Variants in DRAM1 observed in about 807,000 individuals in gnomAD.
DRAM1 encodes the protein DNA damage-regulated autophagy modulator protein 1.
A neutral mutation model predicts 28.5 loss-of-function variants in DRAM1; 25 were observed. That is an observed-to-expected ratio of 0.88 (90% CI 0.64 to 1.23). DRAM1 has a LOEUF of 1.23. DRAM1 is among the 50% of genes most tolerant of loss of function. The probability of loss-of-function intolerance (pLI) is 0.00; values close to 1 mark genes in which losing one functional copy is unlikely to be tolerated. For synonymous variants in DRAM1, 113 were observed against 114.2 expected (o/e 0.99, Z 0.07); for missense variants, 249 against 299.2 (o/e 0.83, Z 1.24).
chr12:101,880,862 C>A (rs765144815), intron 1 of DRAM1, among the ~76,000 whole-genome samples: 3 of 152,126 alleles, frequency 2.0e-5, no homozygotes, highest in African/African-American at 7.2e-5. Context: ...AACAAGGAAG[C>A]CTTCAGGAAA....
At chr12:101,899,888 T>C (rs1363434240) in intron 2 of DRAM1, among the ~76,000 whole-genome samples, 3 of 152,232 alleles carry the variant, frequency 2.0e-5, no homozygotes, top group African/African-American at 7.2e-5. Flanking sequence ...CTATTTCTGG[T>C]ATTTTGTAAT....
Position 101,877,662 on chromosome 12 carries a change from C to A in DRAM1, c.-128C>A. The A allele has an allele frequency of 1.6e-6, 1 of 620,994 alleles. No individual in the cohort carries two copies. Among genetic ancestry groups the A allele is most frequent in the Non-Finnish European group, 2.3e-6 (1 of 442,396 alleles). The allele number at this position is 620,994 out of a possible 1,614,324, so 38.5% of individuals were successfully genotyped here. A position where few individuals can be genotyped will look rare whatever the true frequency, so the allele number is the denominator to read the frequency against. ...CCCTCCGGGGCTGGGCCTGCCCCGG[C>A]CGTCGCGGAGCCTCCCCTCCCACCG... On this transcript the variant is annotated 5_prime_UTR_variant, in exon 1 of 7. Transcript: ENST00000258534. The surrounding 1 kb of genome is among the most constrained non-coding windows in gnomAD (Gnocchi z 4.1).
chr12:101,902,540 G>A (rs1435944631), intron 3 of DRAM1, among the ~76,000 whole-genome samples: 1 of 152,208 alleles, frequency 6.6e-6, no homozygotes, highest in African/African-American at 2.4e-5. Flanking sequence ...CTAGTACAGT[G>A]TGGTTATGGT....
In DRAM1 at chr12:101,877,794, T is replaced by C; in HGVS notation, c.5T>C (p.Leu2Pro). 6.6e-7 allele frequency: 1 copy of C among 1,519,914 alleles called. No homozygotes were observed. Among genetic ancestry groups the C allele is most frequent in the Non-Finnish European group, 8.8e-7 (1 of 1,131,442 alleles). The allele number at this position is 1,519,914 out of a possible 1,614,324, so 94.2% of individuals were successfully genotyped here. A position where few individuals can be genotyped will look rare whatever the true frequency, so the allele number is the denominator to read the frequency against. The change falls in exon 1 of 7, where the codon CTG becomes CCG. Residue 2 changes from leucine (L) to proline (P), a missense_variant. Transcript: ENST00000258534. The surrounding 1 kb of genome is among the most constrained non-coding windows in gnomAD (Gnocchi z 4.1). ...GTCGGCGGCGGCGGCGGCGCGATGC[T>C]GTGCTTCCTGAGGGGAATGGCTTTC... Reference protein sequence around the residue: MLCFLRGMAFVP... With the variant: MPCFLRGMAFVP...
At chr12:101,878,299 A>C (rs1029264273) in intron 1 of DRAM1, among the ~76,000 whole-genome samples, 2 of 152,202 alleles carry the variant, frequency 1.3e-5, no homozygotes, top group Non-Finnish European at 2.9e-5. Flanking sequence ...CTAAACAGCC[A>C]CTATTTTCAC....
In DRAM1 at chr12:101,923,077, G is replaced by A. The variant is rs1288568396; in HGVS notation, c.*1817G>A. The stretch of plus-strand genomic sequence containing the variant: ...AATGCACTCCAGTCTGGGCAACAGA[G>A]TGAGACCCTGTCTCAAAAATAAATA... On this transcript the variant is annotated 3_prime_UTR_variant, in exon 7 of 7. Transcript: ENST00000258534. 6.6e-6 allele frequency: 1 copy of A among 151,940 alleles called. No homozygotes were observed. Among genetic ancestry groups the A allele is most frequent in the Non-Finnish European group, 1.5e-5 (1 of 68,068 alleles). 9.4% of individuals were successfully genotyped at this position (151,940 alleles called of 1,614,324 possible).
In DRAM1 at chr12:101,917,538, A is replaced by T. The variant is rs80223515; in HGVS notation, c.580-2571A>T. Among the ~76,000 whole-genome samples, 469 of 142,206 alleles carry T rather than the reference A, an allele frequency of 3.3e-3. 1 individual carries two copies. The highest frequency in any genetic ancestry group is 0.011 in the Middle Eastern group (3 of 284). The allele number at this position is 142,206 out of a possible 152,430, so 93.3% of individuals were successfully genotyped here. On this transcript the variant is annotated intron_variant, in intron 5 of 6. Transcript: ENST00000258534. ...CCTGTCTGTACTAAAAAAAAAAAAAATTTTTGGTGTAGTGGCACACACCTG... is the reference window on the plus strand; with the variant it reads ...CCTGTCTGTACTAAAAAAAAAAAAATTTTTTGGTGTAGTGGCACACACCTG...
chr12:101,920,298 T>TA, intron 6 of DRAM1, 97 bp downstream of exon 6: 2 of 73,758 alleles, frequency 2.7e-5, no homozygotes, highest in East Asian at 6.2e-4. Context: ...GAGCACTTTC[T>TA]TTTTTTTTTT....
At position 101,921,321 on chromosome 12, in the gene DRAM1, A is replaced by T. The variant is rs1381174235; in HGVS notation, c.*61A>T. The T allele has an allele frequency of 5.6e-6, 8 of 1,422,214 alleles. No homozygotes were observed. The highest frequency in any genetic ancestry group is 7.9e-6 in the Non-Finnish European group (8 of 1,006,434). 88.1% of individuals were successfully genotyped at this position (1,422,214 alleles called of 1,614,324 possible). ...CAGGCCATTTCTAAAAGTGCTACAG[A>T]GGACAGACAGGGTTTTGAGGCCACC... On this transcript the variant is annotated 3_prime_UTR_variant, in exon 7 of 7. Transcript: ENST00000258534.
At position 101,908,338 on chromosome 12, in the gene DRAM1, C is replaced by T. The variant is rs372136588; in HGVS notation, c.495C>T (p.Ala165=). ...STCHIRMVIS[A]VSCAAVIPMI... ...GCCACATACGGATGGTCATCTCTGC[C>T]GTTTCTTGCGCAGCTGTCATCCCCA... Residue 165 remains alanine (A), a synonymous_variant, in exon 4 of 7, where the codon GCC becomes GCT. Coordinates refer to ENST00000258534, the MANE Select transcript of DRAM1 (RefSeq NM_018370.3). The T allele has an allele frequency of 2.0e-5, 33 of 1,611,190 alleles. No homozygotes were observed. The highest frequency in any genetic ancestry group is 2.7e-5 in the African/African-American group (2 of 74,730).
intron 3 of DRAM1, among the ~76,000 whole-genome samples, chr12:101,903,031 G>A (rs1277187460): frequency 6.6e-6 from 1 of 151,838 alleles, no homozygotes; most frequent in Non-Finnish European, 1.5e-5. Flanking sequence ...TGATTCTCAT[G>A]CCTCAGCCTC....
At chr12:101,904,085 C>T (rs1873705594) in intron 3 of DRAM1, among the ~76,000 whole-genome samples, 1 of 152,108 alleles carries the variant, frequency 6.6e-6, no homozygotes. Context: ...CTCTCAGGTT[C>T]AAGCAATTAT....
At chr12:101,891,993 A>C (rs983241284) in intron 1 of DRAM1, among the ~76,000 whole-genome samples, 1 of 152,142 alleles carries the variant, frequency 6.6e-6, no homozygotes, top group Non-Finnish European at 1.5e-5. Context: ...CTTGAGCTTA[A>C]AAAAAATAAA....
At position 101,901,363 on chromosome 12, in the gene DRAM1, T is replaced by G. The variant is rs1873597925; in HGVS notation, c.272T>G (p.Val91Gly). 1.2e-6 allele frequency: 2 copies of G among 1,614,136 alleles called. No homozygotes were observed. Among genetic ancestry groups the G allele is most frequent in the African/African-American group, 1.3e-5 (1 of 75,020 alleles). ...QNQTCYFSTP[V>G]FNLVSLVLGL... Reference sequence around the variant, plus strand: ...CAAACCTGCTATTTCAGCACTCCTGTTTTTAACTTGGTGTCTTTAGTGCTT... The same window carrying G: ...CAAACCTGCTATTTCAGCACTCCTGGTTTTAACTTGGTGTCTTTAGTGCTT... The change falls in exon 3 of 7, where the codon GTT (valine) becomes GGT (glycine). Residue 91 changes from valine to glycine, a missense_variant. By Grantham distance (109) the Val-to-Gly change is moderately radical. Coordinates refer to ENST00000258534, the MANE Select transcript of DRAM1 (RefSeq NM_018370.3).
At chr12:101,916,731 GAGA>G (rs1300800181) in intron 5 of DRAM1, among the ~76,000 whole-genome samples, 1 of 152,188 alleles carries the variant, frequency 6.6e-6, no homozygotes, top group Non-Finnish European at 1.5e-5. Context: ...ATGGACCAGA[GAGA>G]AGAACTAGAC....
chr12:101,893,112 A>T (rs1321309201), intron 1 of DRAM1, among the ~76,000 whole-genome samples: 2 of 152,220 alleles, frequency 1.3e-5, no homozygotes, highest in African/African-American at 4.8e-5. Context: ...TTACAATTAT[A>T]GCATTTGAGG....
intron 3 of DRAM1, among the ~76,000 whole-genome samples, chr12:101,907,009 A>G (rs4764843): frequency 0.11 from 17,056 of 151,544 alleles, 1,014 homozygotes; most frequent in Middle Eastern, 0.18. Context: ...ACAGGATGGC[A>G]GGGACAGGGA....
chr12:101,897,248 C>G (rs964061890), intron 1 of DRAM1, among the ~76,000 whole-genome samples: 1 of 150,780 alleles, frequency 6.6e-6, no homozygotes. Context: ...TGCCCAGGCT[C>G]GAATGCAGTG....
chr12:101,886,881 C>T (rs543472359), intron 1 of DRAM1, among the ~76,000 whole-genome samples: 23 of 152,314 alleles, frequency 1.5e-4, no homozygotes, highest in African/African-American at 5.5e-4. Flanking sequence ...TGCAGTGGCT[C>T]ATGCCTGGAA....
Sources: allele counts gnomAD v4.1 joint callset (sites outside exome capture counted in the v4.1 genomes callset), GRCh38; gene constraint gnomAD v4.1.1; non-coding constraint Gnocchi (gnomAD v3.1); transcripts MANE v1.5; gene names NCBI Gene and HGNC (gene_info 2026-07-23, HGNC 2026-07-21).